The following POSTN variants were observed in gnomAD, a reference collection of about 807,000 sequenced individuals.
POSTN encodes the protein osteoblast specific factor 2 (fasciclin I-like).
A neutral mutation model predicts 104.5 loss-of-function variants in POSTN; 71 were observed. The ratio of observed to expected loss-of-function variants is 0.68; its 90% CI spans 0.56 to 0.83. POSTN has a LOEUF of 0.83. Ranked by LOEUF, POSTN falls within the 40% of genes least tolerant of loss-of-function variation. POSTN has a pLI of 0.00. For missense variants in POSTN, 949 were observed against 1,006.8 expected, an observed-to-expected ratio of 0.94 and a Z score of 0.78; for synonymous variants, 355 against 340.7, an observed-to-expected ratio of 1.04 and a Z score of -0.46.
rs142438242 is a variant in POSTN, at chr13:37,567,568, C to G, written c.2431+1732G>C. On this transcript the variant is annotated intron_variant, in intron 21 of 22. Coordinates refer to ENST00000379747, the MANE Select transcript of POSTN (RefSeq NM_006475.3). ...CATATAGTGTTTTTCCTACAAAAAG[C>G]AAAACCTTGGAGAAATGATTTGATA... is the stretch of plus-strand genomic sequence containing the variant. Among the ~76,000 whole-genome samples, 607 of 152,114 alleles carry G rather than the reference C, an allele frequency of 4.0e-3. 6 individuals carry two copies. Among genetic ancestry groups the G allele is most frequent in the African/African-American group, 0.014 (565 of 41,526 alleles).
chr13:37,579,153 A>C (rs1460532189), intron 13 of POSTN, 32 bp from the exon 14 acceptor site: 16 of 1,604,924 alleles, frequency 1.0e-5, no homozygotes, highest in Admixed American at 5.0e-5. Context: ...TCAATGAGGA[A>C]ATTTCATTAA....
rs771484179 is a variant in POSTN at position 37,584,695 on chromosome 13, A to AAAACAG, written c.1108+20_1108+21insCTGTTT. On this transcript the variant is annotated intron_variant, in intron 8 of 22. Coordinates refer to ENST00000379747, the MANE Select transcript of POSTN (RefSeq NM_006475.3). ...TACAGTAAGTAAAAAAACAAAAACA[A>AAAACAG]AAACAAAAAAAGTTGCTTACCAGAA... 6 of 1,597,904 alleles carry AAAACAG rather than the reference A, an allele frequency of 3.8e-6. No homozygotes were observed. The South Asian group carries it at 6.7e-5, about 18-fold the overall frequency.
intron 19 of POSTN, among the ~76,000 whole-genome samples, chr13:37,570,104 G>A (rs1277022984): frequency 6.6e-6 from 1 of 151,884 alleles, no homozygotes; most frequent in Admixed American, 6.6e-5. Context: ...GATTTTCGGC[G>A]AATTTTAGGC....
chr13:37,571,665 A>G (rs2138189885), intron 17 of POSTN: 1 of 459,268 alleles, frequency 2.2e-6, no homozygotes, highest in Non-Finnish European at 3.9e-6. Context: ...TTTGTGTGCT[A>G]CTAAAATTAC....
intron 16 of POSTN, among the ~76,000 whole-genome samples, chr13:37,575,185 G>A (rs963193081): frequency 6.6e-6 from 1 of 151,480 alleles, no homozygotes; most frequent in African/African-American, 2.4e-5. Context: ...ATTTCAGCCA[G>A]CCAGACATGA....
At chr13:37,587,374 C>T (rs1366359825) in intron 5 of POSTN, among the ~76,000 whole-genome samples, 1 of 152,134 alleles carries the variant, frequency 6.6e-6, no homozygotes, top group Non-Finnish European at 1.5e-5. Flanking sequence ...TCTTCATTGA[C>T]CTCTTTCGTC....
Position 37,569,317 on chromosome 13 carries a change from T to C in POSTN, c.2414A>G (p.Lys805Arg). 1 of 1,612,592 alleles carries C rather than the reference T, an allele frequency of 6.2e-7. No individual in the cohort carries two copies. Among genetic ancestry groups the C allele is most frequent in the Non-Finnish European group, 8.5e-7 (1 of 1,178,844 alleles). Reference protein sequence around the residue: ...DGHLFEDEEIKRLLQGDTPVR... With the variant: ...DGHLFEDEEIRRLLQGDTPVR... ...TTACTAACCTCCCTGAAGCAGTCTT[T>C]TAATTTCTTCATCTTCAAATAAATG... The change falls in exon 21 of 23, where the codon AAA becomes AGA. Residue 805 changes from lysine (K) to arginine (R), a missense_variant. Physicochemically the swap from Lys to Arg is conservative, Grantham distance 26. Coordinates refer to ENST00000379747, the MANE Select transcript of POSTN (RefSeq NM_006475.3).
chr13:37,574,745 G>A (rs1228548708), intron 16 of POSTN, 93 bp from the exon 17 acceptor site: 103 of 1,415,554 alleles, frequency 7.3e-5, no homozygotes, highest in Non-Finnish European at 9.3e-5. Flanking sequence ...TGTCTCTGTA[G>A]GATACTAAGG....
intron 21 of POSTN, among the ~76,000 whole-genome samples, chr13:37,566,221 GC>G (rs2138141653): frequency 6.6e-6 from 1 of 152,302 alleles, no homozygotes; most frequent in East Asian, 1.9e-4. Context: ...GTTTAGAGCA[GC>G]AAAACATGGG....
chr13:37,591,510 G>A (rs940121778), intron 3 of POSTN, among the ~76,000 whole-genome samples: 3 of 152,136 alleles, frequency 2.0e-5, no homozygotes, highest in African/African-American at 7.2e-5. Flanking sequence ...CTTTCTGTGG[G>A]TTGGTGTTAT....
At chr13:37,565,208 GCAAGTGTTT>G (rs1213517589) in intron 21 of POSTN, 1 of 151,914 alleles carries the variant, frequency 6.6e-6, no homozygotes, top group Non-Finnish European at 1.5e-5. Flanking sequence ...TTTAAGAACT[GCAAGTGTTT>G]CAAAACTATG....
At chr13:37,593,115 T>A (rs901929197) in intron 2 of POSTN, among the ~76,000 whole-genome samples, 3 of 151,344 alleles carry the variant, frequency 2.0e-5, no homozygotes, top group Non-Finnish European at 4.4e-5. Flanking sequence ...AGTGGCATCC[T>A]GTTTAAAGTT....
chr13:37,579,441 T>C lies in POSTN; in HGVS notation c.1661-82A>G. The C allele has an allele frequency of 6.1e-6, 7 of 1,152,028 alleles. No individual in the cohort carries two copies. In the South Asian group the frequency reaches 8.6e-5, roughly 14 times the overall value. The allele number at this position is 1,152,028 out of a possible 1,614,324, so 71.4% of individuals were successfully genotyped here. On this transcript the variant is annotated intron_variant, in intron 12 of 22. Transcript: ENST00000379747. ...AAGAAACAAAACACTTATTAGTCTT[T>C]ATCTTTTTCCATATTGTACTTTCTC...
rs71093693 is a variant in POSTN, at chr13:37,564,181, CATATATATATATATATATATAT to C, written c.2473+316_2473+337del. Among the ~76,000 whole-genome samples the C allele has an allele frequency of 4.2e-4, 21 of 49,856 alleles. No individual in the cohort carries two copies. In the East Asian group the frequency reaches 7.1e-3, roughly 17 times the overall value. 32.7% of individuals were successfully genotyped at this position (49,856 alleles called of 152,430 possible). ...GTATACTTGTATATACAAAACATTA[CATATATATATATATATATATAT>C]ATATATATATATATATATATATATA... On this transcript the variant is annotated intron_variant, in intron 22 of 22. Transcript: ENST00000379747.
At chr13:37,582,615 A>G in intron 9 of POSTN, 101 bp from the exon 10 acceptor site, 1 of 1,125,200 alleles carries the variant, frequency 8.9e-7, no homozygotes, top group Non-Finnish European at 1.2e-6. Context: ...CCCTGACATT[A>G]TTGATATCAT....
intron 6 of POSTN, 98 bp downstream of exon 6, chr13:37,586,684 A>C: frequency 1.6e-6 from 2 of 1,235,654 alleles, no homozygotes; most frequent in African/African-American, 3.1e-5. Context: ...TATGTGTTAC[A>C]TTTTTGCCAG....
At chr13:37,574,047 G>C (rs1219940867) in intron 17 of POSTN, among the ~76,000 whole-genome samples, 1 of 151,376 alleles carries the variant, frequency 6.6e-6, no homozygotes, top group Non-Finnish European at 1.5e-5. Context: ...TACTCATTTT[G>C]TTTTATAATT....
Position 37,562,629 on chromosome 13 carries a change from G to A in POSTN, c.*704C>T, listed in dbSNP as rs751891263. ...ATGAGTACTTGTTACAGTAAAAGAGGTATAAAGTCCTGTTCCCAAGTCCAA... is the reference window on the plus strand; with the variant it reads ...ATGAGTACTTGTTACAGTAAAAGAGATATAAAGTCCTGTTCCCAAGTCCAA... On this transcript the variant is annotated 3_prime_UTR_variant, in exon 23 of 23. Coordinates refer to ENST00000379747, the MANE Select transcript of POSTN (RefSeq NM_006475.3). The A allele has an allele frequency of 2.0e-5, 3 of 152,066 alleles. No individual in the cohort carries two copies. The highest frequency in any genetic ancestry group is 7.2e-5 in the African/African-American group (3 of 41,398). 9.4% of individuals were successfully genotyped at this position (152,066 alleles called of 1,614,324 possible). A position where few individuals can be genotyped will look rare whatever the true frequency, so the allele number is the denominator to read the frequency against.
intron 16 of POSTN, among the ~76,000 whole-genome samples, chr13:37,575,284 T>A (rs1313034875): frequency 2.6e-5 from 4 of 151,982 alleles, no homozygotes; most frequent in Non-Finnish European, 4.4e-5. Flanking sequence ...TATCCTTTTT[T>A]TTTTTTAATT....
Sources: gnomAD v4.1 joint callset for allele counts (sites outside exome capture counted in the v4.1 genomes callset) on GRCh38, gnomAD v4.1.1 for gene constraint, MANE v1.5 for transcripts, NCBI Gene and HGNC (gene_info 2026-07-23, HGNC 2026-07-21) for gene names.